Variants in NCALD observed in about 807,000 individuals in gnomAD.
NCALD encodes neurocalcin-delta.
Under a neutral mutation model 18.6 loss-of-function variants are expected in NCALD, and 10 were observed. The observed-to-expected ratio is 0.54, with a 90% CI of 0.33 to 0.91. The LOEUF (loss-of-function observed/expected upper bound fraction) is 0.91, where lower values mean the gene tolerates loss of function less well. Ranked by LOEUF, NCALD falls within the 40% of genes least tolerant of loss-of-function variation. The pLI is 0.03. For synonymous variants in NCALD, 88 were observed against 87.4 expected, an observed-to-expected ratio of 1.01 and a Z score of -0.04; for missense variants, 184 against 247.6, an observed-to-expected ratio of 0.74 and a Z score of 1.72.
chr8:102,035,108 T>C (rs992984471), intron 1 of NCALD, among the ~76,000 whole-genome samples: 7 of 152,180 alleles, frequency 4.6e-5, no homozygotes, highest in Admixed American at 4.6e-4. Context: ...TTGAAAACGA[T>C]ATTAGAAGTA....
At chr8:101,770,776 G>C (rs1447528855) in intron 1 of NCALD, among the ~76,000 whole-genome samples, 3 of 152,118 alleles carry the variant, frequency 2.0e-5, no homozygotes, top group African/African-American at 7.2e-5. Context: ...TTTCAACACA[G>C]TGATTTTTTA....
intron 2 of NCALD, among the ~76,000 whole-genome samples, chr8:101,921,367 TCC>T (rs1397032150): frequency 1.3e-5 from 2 of 151,786 alleles, no homozygotes; most frequent in Non-Finnish European, 2.9e-5. Context: ...ATTTCTAAAA[TCC>T]TTTTTTATTA....
At chr8:102,005,322 A>G (rs1291738665) in intron 2 of NCALD, among the ~76,000 whole-genome samples, 3 of 152,252 alleles carry the variant, frequency 2.0e-5, no homozygotes, top group African/African-American at 4.8e-5. Flanking sequence ...CAAAACCACA[A>G]TGAGATACTA....
chr8:101,892,563 C>A (rs534666407), intron 3 of NCALD, among the ~76,000 whole-genome samples: 3 of 148,916 alleles, frequency 2.0e-5, no homozygotes, highest in South Asian at 4.2e-4. Flanking sequence ...TCAAACTACT[C>A]CGAGCTACAG....
intron 3 of NCALD, among the ~76,000 whole-genome samples, chr8:101,892,541 G>C (rs1816950357): frequency 1.3e-5 from 2 of 149,188 alleles, no homozygotes; most frequent in Admixed American, 6.6e-5. Flanking sequence ...GAGAGAAGAA[G>C]GCTTCAGACG....
chr8:102,115,185 T>C (rs1825748358), intron 1 of NCALD, among the ~76,000 whole-genome samples: 1 of 152,262 alleles, frequency 6.6e-6, no homozygotes, highest in Admixed American at 6.5e-5. Flanking sequence ...GTAGTGAGAC[T>C]AAATTCTGTA....
At chr8:101,883,461 C>T (rs957925903) in intron 4 of NCALD, among the ~76,000 whole-genome samples, 1 of 152,218 alleles carries the variant, frequency 6.6e-6, no homozygotes. Context: ...TTGCTCCCTT[C>T]CTCCTCCCCT....
chr8:102,119,010 T>C (rs537896834), intron 1 of NCALD, among the ~76,000 whole-genome samples: 1 of 152,338 alleles, frequency 6.6e-6, no homozygotes, highest in East Asian at 1.9e-4. Context: ...TGGAAAACAG[T>C]GGATGTTCCT....
chr8:101,700,602 C>A (rs991484286), intron 2 of NCALD, among the ~76,000 whole-genome samples: 1 of 152,128 alleles, frequency 6.6e-6, no homozygotes, highest in Non-Finnish European at 1.5e-5. Flanking sequence ...CCACGAAATT[C>A]TTCTTCTTGG....
At chr8:101,786,245 T>G (rs895747800) in intron 1 of NCALD, among the ~76,000 whole-genome samples, 1 of 152,150 alleles carries the variant, frequency 6.6e-6, no homozygotes, top group Non-Finnish European at 1.5e-5. Context: ...ACTGAATGTT[T>G]GAATAAAAGC....
chr8:101,772,180 T>G (rs1811611066), intron 1 of NCALD, among the ~76,000 whole-genome samples: 1 of 152,222 alleles, frequency 6.6e-6, no homozygotes, highest in Non-Finnish European at 1.5e-5. Flanking sequence ...CAAACTAGTT[T>G]GGGAAACGTG....
chr8:101,944,905 T>C (rs1245007053), intron 2 of NCALD, among the ~76,000 whole-genome samples: 3 of 152,196 alleles, frequency 2.0e-5, no homozygotes, highest in Non-Finnish European at 4.4e-5. Flanking sequence ...CCTCTATAAA[T>C]AATCCCTTCA....
At chr8:101,796,779 A>G (rs531077728) in intron 4 of NCALD, among the ~76,000 whole-genome samples, 10 of 152,236 alleles carry the variant, frequency 6.6e-5, no homozygotes, top group Non-Finnish European at 8.8e-5. Flanking sequence ...CAAAACTTAC[A>G]AAAAGACACC....
At chr8:102,061,308 T>C (rs1027163631) in intron 1 of NCALD, among the ~76,000 whole-genome samples, 1 of 152,224 alleles carries the variant, frequency 6.6e-6, no homozygotes, top group Non-Finnish European at 1.5e-5. Context: ...GACATCCAAG[T>C]ACTTCATGAC....
chr8:102,031,919 A>T (rs1822687006), intron 1 of NCALD, among the ~76,000 whole-genome samples: 1 of 152,196 alleles, frequency 6.6e-6, no homozygotes, highest in Non-Finnish European at 1.5e-5. Flanking sequence ...GCCTAGAGTA[A>T]GCCCTATGTA....
At chr8:101,779,115 A>C in intron 1 of NCALD, among the ~76,000 whole-genome samples, 1 of 152,148 alleles carries the variant, frequency 6.6e-6, no homozygotes, top group East Asian at 1.9e-4. Flanking sequence ...TTCAATTATG[A>C]GGGCAAAATG....
intron 2 of NCALD, among the ~76,000 whole-genome samples, chr8:101,968,106 C>G (rs1820101360): frequency 6.6e-6 from 1 of 152,076 alleles, no homozygotes; most frequent in African/African-American, 2.4e-5. Context: ...TTTTGGAGAG[C>G]CTATGACCAA....
chr8:101,920,811 C>A (rs980048378), intron 2 of NCALD, among the ~76,000 whole-genome samples: 3 of 152,116 alleles, frequency 2.0e-5, no homozygotes, highest in Non-Finnish European at 4.4e-5. Flanking sequence ...ATCACTGATA[C>A]CCCGAACCTC....
intron 2 of NCALD, among the ~76,000 whole-genome samples, chr8:101,699,735 GAAC>G (rs1815169000): frequency 6.6e-6 from 1 of 152,058 alleles, no homozygotes; most frequent in African/African-American, 2.4e-5. Context: ...CACAGGGAGG[GAAC>G]AACACACACT....
Sources: gnomAD v4.1 joint callset for allele counts (sites outside exome capture counted in the v4.1 genomes callset) on GRCh38, gnomAD v4.1.1 for gene constraint, MANE v1.5 for transcripts, NCBI Gene and HGNC (gene_info 2026-07-23, HGNC 2026-07-21) for gene names.